The following CPLX3 variants were observed in gnomAD, a reference collection of about 807,000 sequenced individuals.
CPLX3 encodes complexin-3.
In CPLX3, 12 loss-of-function variants were observed where a neutral mutation model predicts 17.2. That is an observed-to-expected ratio of 0.70 (90% CI 0.45 to 1.13). The LOEUF (loss-of-function observed/expected upper bound fraction) is 1.13, where lower values mean the gene tolerates loss of function less well. Among genes scored for constraint, CPLX3 ranks in the 50% most tolerant of loss-of-function variants. CPLX3 has a pLI of 0.00. For missense variants in CPLX3, 172 were observed against 203.2 expected (o/e 0.85, Z 0.93); for synonymous variants, 75 against 79.4 (o/e 0.94, Z 0.29).
chr15:74,826,677 C>T lies in CPLX3; in HGVS notation c.-27C>T. 5 of 1,594,022 alleles carry T rather than the reference C, an allele frequency of 3.1e-6. No homozygotes were observed. The highest frequency in any genetic ancestry group is 1.1e-5 in the South Asian group (1 of 90,064). On this transcript the variant is annotated 5_prime_UTR_variant, in exon 1 of 3. Transcript: ENST00000395018. The surrounding 1 kb of genome is among the most constrained non-coding windows in gnomAD (Gnocchi z 5.0). ...CCGGTGCCTGGCGCGTGGTAGCAGG[C>T]GCCCGGTGCCCCGGCCGGCGAAGAC...
In CPLX3 at chr15:74,830,429, C is replaced by T. The variant is rs1045510272; in HGVS notation, c.*75C>T. On this transcript the variant is annotated 3_prime_UTR_variant, in exon 3 of 3. Transcript: ENST00000395018. ...GTGTGTCAACTTCCAGGGACCCATA[C>T]TCCATTTGGGGCTTTGTTTCCCTTG... The T allele has an allele frequency of 5.6e-6, 7 of 1,242,430 alleles. No homozygotes were observed. The highest frequency in any genetic ancestry group is 1.5e-5 in the African/African-American group (1 of 67,274). The allele number at this position is 1,242,430 out of a possible 1,614,324, so 77.0% of individuals were successfully genotyped here.
In CPLX3 at chr15:74,826,805, C is replaced by T; in HGVS notation, c.102C>T (p.Ala34=). 6.2e-7 allele frequency: 1 copy of T among 1,603,090 alleles called. No homozygotes were observed. Among genetic ancestry groups the T allele is most frequent in the Non-Finnish European group, 8.5e-7 (1 of 1,174,806 alleles). The change falls in exon 1 of 3, where the codon GCC becomes GCT. Residue 34 remains alanine (A), a synonymous_variant. Transcript: ENST00000395018. The surrounding 1 kb of genome is among the most constrained non-coding windows in gnomAD (Gnocchi z 5.0). ...AGGGAGATGGGGACAAGTCGGCAGC[C>T]GAAGCTCAGGGCATGAGCCGGGAGG... The part of the protein sequence containing the change: ...EDKGDGDKSA[A]EAQGMSREEY...
chr15:74,829,624 G>C (rs769707201), intron 2 of CPLX3, among the ~76,000 whole-genome samples: 16 of 152,172 alleles, frequency 1.1e-4, no homozygotes, highest in Non-Finnish European at 2.2e-4. Context: ...ATAGATGTTT[G>C]ATAAATGGTA....
chr15:74,830,457 C>T lies in CPLX3; in HGVS notation c.*103C>T. 1 of 958,786 alleles carries T rather than the reference C, an allele frequency of 1.0e-6. No individual in the cohort carries two copies. The highest frequency in any genetic ancestry group is 2.2e-5 in the Admixed American group (1 of 44,738). 59.4% of individuals were successfully genotyped at this position (958,786 alleles called of 1,614,324 possible). A position where few individuals can be genotyped will look rare whatever the true frequency, so the allele number is the denominator to read the frequency against. The stretch of plus-strand genomic sequence containing the variant: ...CATTTGGGGCTTTGTTTCCCTTGCC[C>T]CATCCTAGTTCCAAGACCTTTCCCA... On this transcript the variant is annotated 3_prime_UTR_variant, in exon 3 of 3. Transcript: ENST00000395018.
Position 74,829,882 on chromosome 15 carries a change from G to A in CPLX3, c.253-248G>A, listed in dbSNP as rs117735975. On this transcript the variant is annotated intron_variant, in intron 2 of 2. Transcript: ENST00000395018. ...ATGGGGCTCAAGAATCTAAGGGGCCGGGCACAGTGGCTCATTCCTGTATTC... is the reference window on the plus strand; with the variant it reads ...ATGGGGCTCAAGAATCTAAGGGGCCAGGCACAGTGGCTCATTCCTGTATTC... 5.9e-4 allele frequency among the ~76,000 whole-genome samples: 89 copies of A among 152,084 alleles called. 1 individual carries two copies. The East Asian group carries it at 0.012, about 20-fold the overall frequency.
chr15:74,826,906 C>T lies in CPLX3; in HGVS notation c.164+39C>T. ...CTTCCTGGCTCCAACGACCTCCCCTCCCCACCCCCACAGCTGCTCAGTCCA... is the reference window on the plus strand; with the variant it reads ...CTTCCTGGCTCCAACGACCTCCCCTTCCCACCCCCACAGCTGCTCAGTCCA... On this transcript the variant is annotated intron_variant, in intron 1 of 2. Coordinates refer to ENST00000395018, the MANE Select transcript of CPLX3 (RefSeq NM_001030005.3). The surrounding 1 kb of genome is among the most constrained non-coding windows in gnomAD (Gnocchi z 5.0). The T allele has an allele frequency of 6.4e-7, 1 of 1,562,958 alleles. No homozygotes were observed.
In CPLX3 at chr15:74,830,535, C is replaced by T. The variant is rs1295786894; in HGVS notation, c.*181C>T. On this transcript the variant is annotated 3_prime_UTR_variant, in exon 3 of 3. Coordinates refer to ENST00000395018, the MANE Select transcript of CPLX3 (RefSeq NM_001030005.3). ...TCTTCCTCTCCGCTGGGAGTAAAGT[C>T]CCCATCTTCACTCTACCCTTCAGGA... The T allele has an allele frequency of 1.7e-6, 1 of 601,428 alleles. No individual in the cohort carries two copies. The allele number at this position is 601,428 out of a possible 1,614,324, so 37.3% of individuals were successfully genotyped here. A position where few individuals can be genotyped will look rare whatever the true frequency, so the allele number is the denominator to read the frequency against.
At chr15:74,830,011 A>G in intron 2 of CPLX3, 119 bp from the exon 3 acceptor site, 1 of 740,286 alleles carries the variant, frequency 1.4e-6, no homozygotes, top group Non-Finnish European at 2.2e-6. Flanking sequence ...AAAAAAAAAA[A>G]AAGAAAAAAT....
rs546959334 is a variant in CPLX3, at chr15:74,828,315, G to A, written c.252+194G>A. On this transcript the variant is annotated intron_variant, in intron 2 of 2. Transcript: ENST00000395018. ...TAAATCTGTGCCCACCAAGGGCCAG[G>A]GCTTTGTGCTGAGGGGACCCCAGTC... Among the ~76,000 whole-genome samples the A allele has an allele frequency of 2.0e-5, 3 of 152,306 alleles. No individual in the cohort carries two copies. The South Asian group carries it at 6.2e-4, about 32-fold the overall frequency.
At position 74,826,970 on chromosome 15, in the gene CPLX3, A is replaced by G; in HGVS notation, c.164+103A>G. On this transcript the variant is annotated intron_variant, in intron 1 of 2. Coordinates refer to ENST00000395018, the MANE Select transcript of CPLX3 (RefSeq NM_001030005.3). This position sits in a 1 kb window ranked among gnomAD's most constrained non-coding sequence, Gnocchi z 5.0. Reference sequence around the variant, plus strand: ...CTCAGGTCCCAATCCCTTCTCCCCTACTTTCCTAGACACGGTAAGAGACCG... The same window carrying G: ...CTCAGGTCCCAATCCCTTCTCCCCTGCTTTCCTAGACACGGTAAGAGACCG... 1 of 1,032,704 alleles carries G rather than the reference A, an allele frequency of 9.7e-7. No homozygotes were observed. Among genetic ancestry groups the G allele is most frequent in the South Asian group, 1.5e-5 (1 of 67,462 alleles). The allele number at this position is 1,032,704 out of a possible 1,614,324, so 64.0% of individuals were successfully genotyped here. A position where few individuals can be genotyped will look rare whatever the true frequency, so the allele number is the denominator to read the frequency against.
intron 1 of CPLX3, among the ~76,000 whole-genome samples, chr15:74,827,661 C>A (rs964240863): frequency 1.3e-5 from 2 of 152,158 alleles, no homozygotes; most frequent in African/African-American, 4.8e-5. Flanking sequence ...AAGGATATAC[C>A]TAAAATGGTA....
chr15:74,831,372 G>A lies in CPLX3; in HGVS notation c.*1018G>A, dbSNP rs2063968546. On this transcript the variant is annotated 3_prime_UTR_variant, in exon 3 of 3. Transcript: ENST00000395018. The stretch of plus-strand genomic sequence containing the variant: ...AAGGCATCCAGTGCTAGGAGTAGAA[G>A]TGTCTCCAGCTCTGTTCTCTTGGGG... The A allele has an allele frequency of 6.6e-6, 1 of 152,380 alleles. No homozygotes were observed. The highest frequency in any genetic ancestry group is 1.5e-5 in the Non-Finnish European group (1 of 68,180). 9.4% of individuals were successfully genotyped at this position (152,380 alleles called of 1,614,324 possible).
chr15:74,830,401 AG>A lies in CPLX3; in HGVS notation c.*48del. Reference sequence around the variant, plus strand: ...CTGGGCTGGGCCCCCATGAGGGCTAAGAGTGTGTCAACTTCCAGGGACCCAT... The same window carrying A: ...CTGGGCTGGGCCCCCATGAGGGCTAAAGTGTGTCAACTTCCAGGGACCCAT... On this transcript the variant is annotated 3_prime_UTR_variant, in exon 3 of 3. Coordinates refer to ENST00000395018, the MANE Select transcript of CPLX3 (RefSeq NM_001030005.3). 1 of 1,492,976 alleles carries A rather than the reference AG, an allele frequency of 6.7e-7. No homozygotes were observed. Among genetic ancestry groups the A allele is most frequent in the Non-Finnish European group, 9.2e-7 (1 of 1,087,410 alleles). 92.5% of individuals were successfully genotyped at this position (1,492,976 alleles called of 1,614,324 possible).
intron 1 of CPLX3, among the ~76,000 whole-genome samples, chr15:74,827,260 C>T (rs2063948075): frequency 6.6e-6 from 1 of 152,216 alleles, no homozygotes; most frequent in African/African-American, 2.4e-5. Context: ...CGCTCAGAGT[C>T]GCGGAGACAG....
rs770793532 is a variant in CPLX3 at position 74,828,021 on chromosome 15, G to C, written c.165-13G>C. The C allele has an allele frequency of 4.4e-6, 7 of 1,595,734 alleles. No individual in the cohort carries two copies. In the East Asian group the frequency reaches 1.6e-4, roughly 36 times the overall value. ...CAGCCCTCGTGGTGACTCTGCCTCC[G>C]GTGACCCTGCAGGATGGAGCGGGAT... On this transcript the variant is annotated splice_polypyrimidine_tract_variant and intron_variant, in intron 1 of 2. Transcript: ENST00000395018.
intron 1 of CPLX3, among the ~76,000 whole-genome samples, chr15:74,827,239 A>G (rs946146133): frequency 1.3e-5 from 2 of 152,176 alleles, no homozygotes; most frequent in Non-Finnish European, 2.9e-5. Context: ...CTCTGAAAAA[A>G]GTGGTGCAGC....
Position 74,828,061 on chromosome 15 carries a change from G to C in CPLX3, c.192G>C (p.Gln64His). ...EKMERDAQFT[Q>H]RKAERATLRS... ...TGGAGCGGGATGCACAGTTCACACA[G>C]AGGAAGGCAGAGCGGGCCACACTGC... The change falls in exon 2 of 3, where the codon CAG (glutamine) becomes CAC (histidine). Residue 64 changes from glutamine (Q) to histidine (H), a missense_variant. Physicochemically the swap from Gln to His is conservative, Grantham distance 24. Transcript: ENST00000395018. The C allele has an allele frequency of 6.2e-7, 1 of 1,608,066 alleles. No homozygotes were observed. The highest frequency in any genetic ancestry group is 8.5e-7 in the Non-Finnish European group (1 of 1,177,284).
intron 1 of CPLX3, among the ~76,000 whole-genome samples, chr15:74,827,234 A>G (rs913313687): frequency 6.6e-6 from 1 of 152,194 alleles, no homozygotes; most frequent in Non-Finnish European, 1.5e-5. Context: ...TGAGGCTCTG[A>G]AAAAAGTGGT....
chr15:74,830,027 C>A (rs2063961328), intron 2 of CPLX3, 103 bp from the exon 3 acceptor site: 10 of 743,318 alleles, frequency 1.3e-5, no homozygotes, highest in Non-Finnish European at 2.0e-5. Context: ...AAAATAGAAT[C>A]TAGGGGCCTG....
Sources: gnomAD v4.1 joint callset for allele counts (sites outside exome capture counted in the v4.1 genomes callset) on GRCh38, gnomAD v4.1.1 for gene constraint, Gnocchi (gnomAD v3.1) non-coding constraint, MANE v1.5 for transcripts, NCBI Gene and HGNC (gene_info 2026-07-23, HGNC 2026-07-21) for gene names.